Variants in CREB5 observed in about 807,000 individuals in gnomAD.
CREB5 encodes cyclic AMP-responsive element-binding protein 5.
In CREB5, 19 loss-of-function variants were observed where a neutral mutation model predicts 57.1. The observed-to-expected ratio is 0.33, with a 90% CI of 0.23 to 0.49. CREB5 has a LOEUF of 0.49. Among genes scored for constraint, CREB5 ranks in the 20% least tolerant of loss-of-function variants. The pLI, the probability that CREB5 is intolerant of heterozygous loss-of-function variation, is 0.99. For synonymous variants in CREB5, 238 were observed against 238.3 expected (o/e 1.00, Z 0.01); for missense variants, 579 against 671.6 (o/e 0.86, Z 1.52).
At chr7:28,304,372 A>G (rs909022611) in intron 1 of CREB5, among the ~76,000 whole-genome samples, 2 of 152,238 alleles carry the variant, frequency 1.3e-5, no homozygotes, top group East Asian at 1.9e-4. Flanking sequence ...ATGTGGAAAA[A>G]TGTTCTTCAC....
At chr7:28,509,568 T>G (rs1792617878) in intron 4 of CREB5, among the ~76,000 whole-genome samples, 1 of 152,262 alleles carries the variant, frequency 6.6e-6, no homozygotes, top group Non-Finnish European at 1.5e-5. Context: ...GACCAGACTT[T>G]CAGTTCTAGT....
At chr7:28,368,548 C>G (rs186860061) in intron 1 of CREB5, among the ~76,000 whole-genome samples, 53 of 152,290 alleles carry the variant, frequency 3.5e-4, no homozygotes, top group Admixed American at 1.7e-3. Context: ...CTCCTTGTTC[C>G]TAAACATGGC....
intron 7 of CREB5, among the ~76,000 whole-genome samples, chr7:28,764,333 A>G (rs891381318): frequency 6.7e-6 from 1 of 149,218 alleles, no homozygotes; most frequent in Non-Finnish European, 1.5e-5. Flanking sequence ...CAGAGCTGAA[A>G]TGCAGGAAAG....
intron 5 of CREB5, among the ~76,000 whole-genome samples, chr7:28,584,580 T>A (rs1426377097): frequency 6.6e-6 from 1 of 152,106 alleles, no homozygotes; most frequent in Non-Finnish European, 1.5e-5. Context: ...TGGGGCAACT[T>A]TCCTTCAGAG....
intron 5 of CREB5, chr7:28,685,956 G>C (rs1403101266): frequency 3.6e-6 from 2 of 563,084 alleles, no homozygotes; most frequent in East Asian, 3.0e-5. Context: ...AAAGGAGAAG[G>C]GGGAGGAGGG....
chr7:28,743,523 C>A (rs934130300), intron 7 of CREB5, among the ~76,000 whole-genome samples: 2 of 152,040 alleles, frequency 1.3e-5, no homozygotes, highest in Admixed American at 6.5e-5. Flanking sequence ...CAGAGTGAGA[C>A]CCTGTTTCAA....
rs181311200 is a variant in CREB5 at position 28,634,127 on chromosome 7, A to T, written c.464+63590A>T. On this transcript the variant is annotated intron_variant, in intron 5 of 10. Transcript: ENST00000357727. ...CCTAAGTGTGATCTTGGTCTTTCCC[A>T]TTATACCCTTGTAAAATGGCAGGCA... Among the ~76,000 whole-genome samples, 45 of 152,296 alleles carry T rather than the reference A, an allele frequency of 3.0e-4. 1 individual carries two copies. The East Asian group carries it at 6.2e-3, about 21-fold the overall frequency.
chr7:28,706,443 A>G (rs979743509), intron 5 of CREB5, among the ~76,000 whole-genome samples: 1 of 152,208 alleles, frequency 6.6e-6, no homozygotes, highest in Admixed American at 6.5e-5. Context: ...ATTTATGTAC[A>G]TAGATTGGAC....
chr7:28,573,355 CT>C (rs1327508059), intron 5 of CREB5, among the ~76,000 whole-genome samples: 2 of 152,130 alleles, frequency 1.3e-5, no homozygotes, highest in Non-Finnish European at 2.9e-5. Flanking sequence ...GTGTCAAAAT[CT>C]GGCCAAGCCA....
chr7:28,507,543 G>T (rs1281991119), intron 3 of CREB5, 73 bp from the exon 4 acceptor site: 2 of 1,525,678 alleles, frequency 1.3e-6, no homozygotes, highest in African/African-American at 1.4e-5. Context: ...GGGGATTAGT[G>T]AATCTAGCTC....
At chr7:28,447,703 A>C (rs1479870639) in intron 1 of CREB5, among the ~76,000 whole-genome samples, 2 of 152,190 alleles carry the variant, frequency 1.3e-5, no homozygotes, top group African/African-American at 2.4e-5. Context: ...GATAAAGAAC[A>C]TGATGACTCA....
chr7:28,683,108 C>T (rs1277235473), intron 5 of CREB5, among the ~76,000 whole-genome samples: 4 of 152,162 alleles, frequency 2.6e-5, no homozygotes, highest in African/African-American at 9.7e-5. Context: ...TTCTAAGAAG[C>T]CTCCCTCTGG....
At chr7:28,812,978 A>ATTTTGTTTT (rs1809213463) in intron 9 of CREB5, among the ~76,000 whole-genome samples, 1 of 152,198 alleles carries the variant, frequency 6.6e-6, no homozygotes, top group South Asian at 2.1e-4. Flanking sequence ...GAAAAACCAG[A>ATTTTGTTTT]CCTAAGAAAA....
At chr7:28,560,933 T>G (rs13245592) in intron 4 of CREB5, among the ~76,000 whole-genome samples, 1 of 49,348 alleles carries the variant, frequency 2.0e-5, no homozygotes, top group Non-Finnish European at 3.9e-5. Flanking sequence ...CGCGTGCGTG[T>G]GTGCGTGCGT....
At position 28,344,340 on chromosome 7, in the gene CREB5, C is replaced by T. The variant is rs575593053; in HGVS notation, c.-25+44899C>T. 4.6e-5 allele frequency among the ~76,000 whole-genome samples: 7 copies of T among 152,194 alleles called. No homozygotes were observed. In the South Asian group the frequency reaches 1.5e-3, roughly 32 times the overall value. ...TGATTTTTACATATGATGAGAAATT[C>T]GGGTCTAGTTTAATGCTTCTGCATG... On this transcript the variant is annotated intron_variant, in intron 1 of 9. Coordinates refer to the CREB5 transcript ENST00000396299.
intron 7 of CREB5, among the ~76,000 whole-genome samples, chr7:28,776,280 A>G (rs532517036): frequency 3.2e-4 from 48 of 150,918 alleles, no homozygotes; most frequent in Admixed American, 2.9e-3. Flanking sequence ...GGAGCTTACA[A>G]TGAGCCGAGA....
intron 1 of CREB5, among the ~76,000 whole-genome samples, chr7:28,453,344 T>A (rs545809589): frequency 9.3e-4 from 141 of 152,046 alleles, no homozygotes; most frequent in Non-Finnish European, 1.7e-3. Flanking sequence ...GAGGCTGGGG[T>A]AGGAGGATTG....
At chr7:28,685,955 G>A in intron 5 of CREB5, 1 of 558,720 alleles carries the variant, frequency 1.8e-6, no homozygotes. Flanking sequence ...AAAAGGAGAA[G>A]GGGGAGGAGG....
intron 1 of CREB5, among the ~76,000 whole-genome samples, chr7:28,455,867 C>G (rs928903165): frequency 6.6e-6 from 1 of 152,084 alleles, no homozygotes; most frequent in African/African-American, 2.4e-5. Flanking sequence ...TGCTTGTGCC[C>G]GACACTGGTG....
Sources: gnomAD v4.1 joint callset for allele counts (sites outside exome capture counted in the v4.1 genomes callset) on GRCh38, gnomAD v4.1.1 for gene constraint, MANE v1.5 for transcripts, NCBI Gene and HGNC (gene_info 2026-07-23, HGNC 2026-07-21) for gene names.